Variants in CSNK1A1 observed in about 807,000 individuals in gnomAD.
CSNK1A1 encodes casein kinase I isoform alpha.
Under a neutral mutation model 46.1 loss-of-function variants are expected in CSNK1A1, and 7 were observed. The observed-to-expected ratio is 0.15, with a 90% CI of 0.09 to 0.29. The LOEUF (loss-of-function observed/expected upper bound fraction) is 0.29, where lower values mean the gene tolerates loss of function less well. Ranked by LOEUF, CSNK1A1 falls within the 10% of genes least tolerant of loss-of-function variation. The pLI, the probability that CSNK1A1 is intolerant of heterozygous loss-of-function variation, is 1.00. For missense variants in CSNK1A1, 96 were observed against 417.1 expected (o/e 0.23, Z 6.71); for synonymous variants, 137 against 141.5 (o/e 0.97, Z 0.23).
chr5:149,520,493 G>C lies in CSNK1A1; in HGVS notation c.358-105C>G, dbSNP rs192430557. 6.3e-4 allele frequency: 407 copies of C among 645,716 alleles called. 2 individuals carry two copies. The African/African-American group carries it at 6.6e-3, about 10-fold the overall frequency. The allele number at this position is 645,716 out of a possible 1,614,324, so 40.0% of individuals were successfully genotyped here. ...CAATTATTTAGAGTTCACAAAGACA[G>C]CGCTAAAGAAAATGAAATGGAAAGG... On this transcript the variant is annotated intron_variant, in intron 3 of 9. Transcript: ENST00000377843.
chr5:149,510,521 A>C (rs2113084122), intron 6 of CSNK1A1, among the ~76,000 whole-genome samples: 1 of 152,200 alleles, frequency 6.6e-6, no homozygotes, highest in Non-Finnish European at 1.5e-5. Flanking sequence ...TCGGTTGCCC[A>C]GGCTGGAGTG....
chr5:149,544,896 C>T (rs892896275), intron 2 of CSNK1A1, among the ~76,000 whole-genome samples: 1 of 150,702 alleles, frequency 6.6e-6, no homozygotes, highest in Non-Finnish European at 1.5e-5. Flanking sequence ...AGCACTTTGG[C>T]GGGCCGAGGT....
chr5:149,548,548 C>T (rs988329722), intron 2 of CSNK1A1, among the ~76,000 whole-genome samples: 1 of 145,316 alleles, frequency 6.9e-6, no homozygotes, highest in African/African-American at 2.6e-5. Flanking sequence ...GCCTGGGCAA[C>T]AGAGTAAGGC....
At chr5:149,521,267 CTTCT>C (rs1761558025) in intron 3 of CSNK1A1, among the ~76,000 whole-genome samples, 1 of 142,978 alleles carries the variant, frequency 7.0e-6, no homozygotes, top group African/African-American at 2.6e-5. Flanking sequence ...TGGATTTACT[CTTCT>C]TTTTTTTTTT....
chr5:149,536,587 G>C (rs772396626), intron 2 of CSNK1A1, among the ~76,000 whole-genome samples: 1 of 152,174 alleles, frequency 6.6e-6, no homozygotes, highest in South Asian at 2.1e-4. Flanking sequence ...CAATGCCTGG[G>C]CTGCAAACAT....
intron 2 of CSNK1A1, among the ~76,000 whole-genome samples, chr5:149,542,672 GTA>G (rs1200603954): frequency 0.018 from 87 of 4,778 alleles, 15 homozygotes; most frequent in Admixed American, 0.04. Flanking sequence ...ATATATATAT[GTA>G]TATATATATA....
Position 149,493,228 on chromosome 5 carries a change from AC to A in CSNK1A1, c.*3624del. 1 of 151,990 alleles carries A rather than the reference AC, an allele frequency of 6.6e-6. No individual in the cohort carries two copies. Among genetic ancestry groups the A allele is most frequent in the Non-Finnish European group, 1.5e-5 (1 of 67,988 alleles). 9.4% of individuals were successfully genotyped at this position (151,990 alleles called of 1,614,324 possible). A position where few individuals can be genotyped will look rare whatever the true frequency, so the allele number is the denominator to read the frequency against. On this transcript the variant is annotated 3_prime_UTR_variant, in exon 10 of 10. Coordinates refer to ENST00000377843, the MANE Select transcript of CSNK1A1 (RefSeq NM_001892.6). The stretch of plus-strand genomic sequence containing the variant: ...TGGGATTACAGGCGCCCGCCACCAC[AC>A]CCGGCTAATTTTTGTATTTTTAGTA...
At chr5:149,520,776 T>G (rs1761542980) in intron 3 of CSNK1A1, among the ~76,000 whole-genome samples, 1 of 152,186 alleles carries the variant, frequency 6.6e-6, no homozygotes, top group African/African-American at 2.4e-5. Flanking sequence ...AAAATGGCCT[T>G]GTATTACCCA....
At chr5:149,524,701 T>C (rs1761675396) in intron 3 of CSNK1A1, among the ~76,000 whole-genome samples, 1 of 152,188 alleles carries the variant, frequency 6.6e-6, no homozygotes, top group African/African-American at 2.4e-5. Context: ...TTTTGCTTAA[T>C]TTAACCAAAA....
In CSNK1A1 at chr5:149,501,771, G is replaced by C. The variant is rs958232079; in HGVS notation, c.1006+3676C>G. 27 of 983,726 alleles carry C rather than the reference G, an allele frequency of 2.7e-5. No homozygotes were observed. In the African/African-American group the frequency reaches 4.0e-4, roughly 15 times the overall value. 60.9% of individuals were successfully genotyped at this position (983,726 alleles called of 1,614,324 possible). A position where few individuals can be genotyped will look rare whatever the true frequency, so the allele number is the denominator to read the frequency against. On this transcript the variant is annotated intron_variant, in intron 9 of 9. Transcript: ENST00000377843. ...ATTAAAGAAACACTGAACTTCATTA[G>C]ATTTTGAATGTCCTAAAAATATTTC... is the stretch of plus-strand genomic sequence containing the variant.
At chr5:149,502,622 CCTCAG>C (rs1200882398) in intron 9 of CSNK1A1, 7 of 945,012 alleles carry the variant, frequency 7.4e-6, no homozygotes, top group Non-Finnish European at 8.8e-6. Flanking sequence ...AATTCTCCCA[CCTCAG>C]CCTCCCAAAT....
chr5:149,515,965 T>C (rs1240243342), intron 4 of CSNK1A1, among the ~76,000 whole-genome samples: 1 of 152,246 alleles, frequency 6.6e-6, no homozygotes, highest in Non-Finnish European at 1.5e-5. Context: ...GAGTAAAATC[T>C]GCGCCCATTT....
At chr5:149,532,506 A>G (rs1761934148) in intron 2 of CSNK1A1, among the ~76,000 whole-genome samples, 1 of 152,124 alleles carries the variant, frequency 6.6e-6, no homozygotes, top group Non-Finnish European at 1.5e-5. Flanking sequence ...CACTCTGGCC[A>G]ACATGGTGAA....
At position 149,517,661 on chromosome 5, in the gene CSNK1A1, C is replaced by A; in HGVS notation, c.456+2629G>T. 3.4e-6 allele frequency: 2 copies of A among 585,064 alleles called. No individual in the cohort carries two copies. The highest frequency in any genetic ancestry group is 6.1e-6 in the Non-Finnish European group (2 of 326,456). The allele number at this position is 585,064 out of a possible 1,614,324, so 36.2% of individuals were successfully genotyped here. ...TTTGCCAAGTATGTCTGAATAATGCCAACGTAAGAGGTGCTTGAGCAAGAT... is the reference window on the plus strand; with the variant it reads ...TTTGCCAAGTATGTCTGAATAATGCAAACGTAAGAGGTGCTTGAGCAAGAT... On this transcript the variant is annotated intron_variant, in intron 4 of 9. Transcript: ENST00000377843. The surrounding 1 kb of genome is among the most constrained non-coding windows in gnomAD (Gnocchi z 4.4).
intron 2 of CSNK1A1, among the ~76,000 whole-genome samples, chr5:149,532,088 A>T (rs1761919365): frequency 6.6e-6 from 1 of 151,900 alleles, no homozygotes; most frequent in Non-Finnish European, 1.5e-5. Context: ...CATGTTGGCC[A>T]GGCTGATTTT....
At chr5:149,519,487 T>A (rs910464660) in intron 4 of CSNK1A1, among the ~76,000 whole-genome samples, 1 of 151,986 alleles carries the variant, frequency 6.6e-6, no homozygotes, top group Non-Finnish European at 1.5e-5. Context: ...GAGCTCAACA[T>A]AGTATCGATA....
intron 4 of CSNK1A1, among the ~76,000 whole-genome samples, chr5:149,516,681 T>C (rs1042068929): frequency 3.9e-5 from 6 of 152,214 alleles, no homozygotes; most frequent in African/African-American, 1.2e-4. Flanking sequence ...AAACTAGTTT[T>C]ATTCTTATAA....
chr5:149,497,246 C>T (rs1407177762), intron 9 of CSNK1A1: 1 of 1,000,356 alleles, frequency 1.0e-6, no homozygotes, highest in Non-Finnish European at 1.2e-6. Context: ...AATTTTAATC[C>T]TACCATAGGC....
intron 4 of CSNK1A1, among the ~76,000 whole-genome samples, chr5:149,516,911 T>A (rs1313358767): frequency 1.3e-5 from 2 of 152,186 alleles, no homozygotes; most frequent in African/African-American, 4.8e-5. Flanking sequence ...CAAAGCATGT[T>A]TTTTGTTTTT....
Sources: gnomAD v4.1 joint callset for allele counts (sites outside exome capture counted in the v4.1 genomes callset) on GRCh38, gnomAD v4.1.1 for gene constraint, Gnocchi (gnomAD v3.1) non-coding constraint, MANE v1.5 for transcripts, NCBI Gene and HGNC (gene_info 2026-07-23, HGNC 2026-07-21) for gene names.